Variants in PPFIA2 observed in about 807,000 individuals in gnomAD.
PPFIA2 encodes the protein liprin-alpha-2.
A neutral mutation model predicts 175.5 loss-of-function variants in PPFIA2; 46 were observed. The observed-to-expected ratio is 0.26, with a 90% CI of 0.21 to 0.34. PPFIA2 has a LOEUF of 0.34. PPFIA2 is among the 10% of genes least tolerant of loss of function. PPFIA2 has a pLI of 1.00. For synonymous variants in PPFIA2, 568 were observed against 511.4 expected (o/e 1.11, Z -1.49); for missense variants, 1,179 against 1,506.1 (o/e 0.78, Z 3.60).
At chr12:81,342,969 T>C (rs992477607) in intron 19 of PPFIA2, among the ~76,000 whole-genome samples, 2 of 150,364 alleles carry the variant, frequency 1.3e-5, no homozygotes, top group Admixed American at 1.3e-4. Context: ...ATAATAATAA[T>C]AATAATAATA....
At chr12:81,753,678 TA>T (rs1252159279) in intron 3 of PPFIA2, among the ~76,000 whole-genome samples, 1 of 152,210 alleles carries the variant, frequency 6.6e-6, no homozygotes, top group African/African-American at 2.4e-5. Context: ...TTCTGGTCAT[TA>T]AAAGCTGATC....
intron 4 of PPFIA2, among the ~76,000 whole-genome samples, chr12:81,473,914 T>C (rs555581814): frequency 1.3e-5 from 2 of 152,292 alleles, no homozygotes; most frequent in South Asian, 4.1e-4. Context: ...CCTTACTCAT[T>C]TTTATTTATG....
chr12:81,584,959 A>AT (rs1221863459), intron 4 of PPFIA2, among the ~76,000 whole-genome samples: 1 of 111,384 alleles, frequency 9.0e-6, no homozygotes, highest in Non-Finnish European at 1.7e-5. Context: ...AATTATATTT[A>AT]TATATAATAT....
At chr12:81,598,686 T>C (rs2059502599) in intron 4 of PPFIA2, among the ~76,000 whole-genome samples, 2 of 151,860 alleles carry the variant, frequency 1.3e-5, no homozygotes, top group South Asian at 4.1e-4. Flanking sequence ...GATCAAAGTA[T>C]ATTACAGCTG....
intron 4 of PPFIA2, among the ~76,000 whole-genome samples, chr12:81,611,721 G>A (rs1328577033): frequency 6.6e-6 from 1 of 152,110 alleles, no homozygotes; most frequent in Non-Finnish European, 1.5e-5. Flanking sequence ...GGGGGAGTGG[G>A]GAGGCGGGCC....
chr12:81,503,506 C>G (rs2060813530), intron 4 of PPFIA2, among the ~76,000 whole-genome samples: 1 of 150,040 alleles, frequency 6.7e-6, no homozygotes, highest in Admixed American at 6.7e-5. Context: ...CTCTAGCTAG[C>G]CAAGTCTAGA....
intron 3 of PPFIA2, among the ~76,000 whole-genome samples, chr12:81,742,680 T>G (rs1224176437): frequency 6.6e-6 from 1 of 152,174 alleles, no homozygotes; most frequent in Non-Finnish European, 1.5e-5. Flanking sequence ...AGCCAGCAGA[T>G]GGATGACATT....
intron 4 of PPFIA2, among the ~76,000 whole-genome samples, chr12:81,573,460 T>C (rs1414627719): frequency 2.0e-5 from 3 of 151,964 alleles, no homozygotes; most frequent in Non-Finnish European, 4.4e-5. Context: ...TAGACATCCA[T>C]TCTTCTGCTT....
At chr12:81,376,908 G>C (rs1472755699) in intron 9 of PPFIA2, among the ~76,000 whole-genome samples, 1 of 151,542 alleles carries the variant, frequency 6.6e-6, no homozygotes, top group Non-Finnish European at 1.5e-5. Flanking sequence ...AGCCAGTCCT[G>C]TCACATATAA....
At chr12:81,704,080 T>G (rs1372568594) in intron 3 of PPFIA2, among the ~76,000 whole-genome samples, 1 of 152,188 alleles carries the variant, frequency 6.6e-6, no homozygotes, top group Non-Finnish European at 1.5e-5. Context: ...TTGTCTCTTG[T>G]ATTCACTAAG....
At chr12:81,714,577 A>G (rs17008921) in intron 3 of PPFIA2, among the ~76,000 whole-genome samples, 2,909 of 151,096 alleles carry the variant, frequency 0.019, 175 homozygotes, top group East Asian at 0.085. Context: ...CGAATAGATA[A>G]GCACACCCTC....
chr12:81,366,200 T>G (rs2033369364), intron 14 of PPFIA2, among the ~76,000 whole-genome samples: 2 of 150,962 alleles, frequency 1.3e-5, no homozygotes, highest in East Asian at 1.9e-4. Context: ...TCCTTTCTTC[T>G]TTAAAAAAAT....
intron 3 of PPFIA2, among the ~76,000 whole-genome samples, chr12:81,678,756 G>A (rs1376502542): frequency 6.6e-6 from 1 of 151,780 alleles, no homozygotes; most frequent in Non-Finnish European, 1.5e-5. Context: ...GTCCTTGATT[G>A]TATCATTTGA....
intron 27 of PPFIA2, among the ~76,000 whole-genome samples, chr12:81,280,400 CA>C (rs1237325350): frequency 5.3e-5 from 8 of 152,026 alleles, no homozygotes; most frequent in Non-Finnish European, 1.2e-4. Context: ...GCAAAAGCCC[CA>C]ATTATCCTCT....
chr12:81,666,768 T>TA (rs1054874198), intron 4 of PPFIA2, among the ~76,000 whole-genome samples: 29 of 151,132 alleles, frequency 1.9e-4, no homozygotes, highest in African/African-American at 6.1e-4. Flanking sequence ...TAATAAAAAA[T>TA]AAAAAAAAGA....
intron 4 of PPFIA2, among the ~76,000 whole-genome samples, chr12:81,659,877 C>A (rs2153544720): frequency 6.6e-6 from 1 of 152,260 alleles, no homozygotes; most frequent in East Asian, 1.9e-4. Context: ...AATGATCAGG[C>A]AGCAATATTT....
At chr12:81,463,872 T>G (rs1422951609) in intron 4 of PPFIA2, among the ~76,000 whole-genome samples, 2 of 152,130 alleles carry the variant, frequency 1.3e-5, no homozygotes, top group Non-Finnish European at 1.5e-5. Flanking sequence ...TAAAATAACT[T>G]TCTTTTCTGT....
chr12:81,442,848 C>CATATAT (rs35192542), intron 6 of PPFIA2, among the ~76,000 whole-genome samples: 177 of 14,060 alleles, frequency 0.013, 11 homozygotes, highest in Non-Finnish European at 0.015. Flanking sequence ...TTTCTGACTT[C>CATATAT]ATATATATAT....
intron 4 of PPFIA2, among the ~76,000 whole-genome samples, chr12:81,505,307 C>T (rs1241854309): frequency 6.6e-6 from 1 of 150,684 alleles, no homozygotes; most frequent in Non-Finnish European, 1.5e-5. Flanking sequence ...GAAGAAAGGG[C>T]CAAACTACTC....
Sources: gnomAD v4.1 joint callset for allele counts (sites outside exome capture counted in the v4.1 genomes callset) on GRCh38, gnomAD v4.1.1 for gene constraint, MANE v1.5 for transcripts, NCBI Gene and HGNC (gene_info 2026-07-23, HGNC 2026-07-21) for gene names.